The following NCAM2 variants were observed in gnomAD, a reference collection of about 807,000 sequenced individuals.
NCAM2 encodes the protein N-CAM-2.
A neutral mutation model predicts 98.1 loss-of-function variants in NCAM2; 30 were observed. That is an observed-to-expected ratio of 0.31 (90% CI 0.23 to 0.41). The LOEUF is 0.41. NCAM2 is among the 10% of genes least tolerant of loss of function. NCAM2 has a pLI of 1.00. For missense variants in NCAM2, 867 were observed against 1,005.8 expected (o/e 0.86, Z 1.87); for synonymous variants, 368 against 342.4 (o/e 1.07, Z -0.83).
intron 5 of NCAM2, among the ~76,000 whole-genome samples, chr21:21,309,191 T>C (rs1371776227): frequency 2.0e-5 from 3 of 152,232 alleles, no homozygotes; most frequent in Non-Finnish European, 4.4e-5. Flanking sequence ...ATCCTCATTA[T>C]ATCTTATATT....
chr21:21,414,120 GA>G (rs2076939644), intron 10 of NCAM2, among the ~76,000 whole-genome samples: 1 of 152,150 alleles, frequency 6.6e-6, no homozygotes, highest in Admixed American at 6.6e-5. Context: ...CCTCCATGAA[GA>G]GCAATTTTCC....
intron 5 of NCAM2, among the ~76,000 whole-genome samples, chr21:21,302,214 A>C (rs1052236724): frequency 3.3e-5 from 5 of 151,888 alleles, no homozygotes; most frequent in Non-Finnish European, 7.4e-5. Context: ...AACCAACCCA[A>C]ATGTCCAACA....
chr21:21,137,276 C>T (rs937862998), intron 1 of NCAM2, among the ~76,000 whole-genome samples: 13 of 152,182 alleles, frequency 8.5e-5, no homozygotes, highest in Non-Finnish European at 1.9e-4. Flanking sequence ...GTCAGAATAT[C>T]ATACAAAGTT....
At chr21:21,070,401 A>G (rs2065537428) in intron 1 of NCAM2, among the ~76,000 whole-genome samples, 1 of 152,046 alleles carries the variant, frequency 6.6e-6, no homozygotes, top group Non-Finnish European at 1.5e-5. Context: ...AAAATGCCAT[A>G]TAATTAGATG....
At chr21:21,411,058 A>ATATATACATATATGTGTG (rs1569033114) in intron 10 of NCAM2, among the ~76,000 whole-genome samples, 4 of 84,684 alleles carry the variant, frequency 4.7e-5, no homozygotes, top group Non-Finnish European at 9.2e-5. Context: ...GTGTGTGTAT[A>ATATATACATATATGTGTG]TATATATATA....
At chr21:21,176,649 T>G (rs1196323062) in intron 1 of NCAM2, among the ~76,000 whole-genome samples, 2 of 152,048 alleles carry the variant, frequency 1.3e-5, no homozygotes, top group Non-Finnish European at 2.9e-5. Flanking sequence ...TTAAGACAGT[T>G]TTTAAGTCAG....
chr21:21,534,261 A>G (rs1429914039), intron 16 of NCAM2, among the ~76,000 whole-genome samples: 1 of 152,092 alleles, frequency 6.6e-6, no homozygotes, highest in Non-Finnish European at 1.5e-5. Flanking sequence ...TATATACAGT[A>G]GGATTTTAAA....
At chr21:21,157,386 A>G (rs969463457) in intron 1 of NCAM2, among the ~76,000 whole-genome samples, 1 of 152,150 alleles carries the variant, frequency 6.6e-6, no homozygotes, top group Admixed American at 6.6e-5. Context: ...ATGATATTAT[A>G]GATTACAGTC....
chr21:21,331,545 C>CTCT (rs1568942424), intron 6 of NCAM2, among the ~76,000 whole-genome samples: 1 of 342 alleles, frequency 2.9e-3, no homozygotes, highest in African/African-American at 6.0e-3. Flanking sequence ...ACTCTATATA[C>CTCT]ATATATATAT....
intron 9 of NCAM2, among the ~76,000 whole-genome samples, chr21:21,388,376 C>T (rs898547485): frequency 2.6e-5 from 4 of 152,038 alleles, no homozygotes; most frequent in African/African-American, 9.7e-5. Context: ...GGACCTGCTG[C>T]AAATGTAGGA....
chr21:21,336,323 A>G (rs1239871974), intron 7 of NCAM2, among the ~76,000 whole-genome samples: 1 of 151,988 alleles, frequency 6.6e-6, no homozygotes, highest in Non-Finnish European at 1.5e-5. Flanking sequence ...CTCCAACTTT[A>G]AAAACACTGT....
At chr21:21,190,228 G>A (rs2068775726) in intron 1 of NCAM2, among the ~76,000 whole-genome samples, 1 of 152,190 alleles carries the variant, frequency 6.6e-6, no homozygotes, top group African/African-American at 2.4e-5. Context: ...AGCAATATCT[G>A]TAAGTGTTAG....
At chr21:21,418,847 T>C (rs1042686719) in intron 11 of NCAM2, among the ~76,000 whole-genome samples, 2 of 152,122 alleles carry the variant, frequency 1.3e-5, no homozygotes, top group African/African-American at 2.4e-5. Flanking sequence ...AATAAGTTAT[T>C]GCATATTTCA....
chr21:21,433,780 TAAAATAAAATAAAATA>T (rs1171674766), intron 12 of NCAM2, among the ~76,000 whole-genome samples: 12 of 146,238 alleles, frequency 8.2e-5, no homozygotes, highest in Admixed American at 5.4e-4. Flanking sequence ...TAAAATAAAA[TAAAATAAAATAAAATA>T]AAAATAAAAG....
chr21:21,200,268 C>G (rs1315453934), intron 1 of NCAM2, among the ~76,000 whole-genome samples: 1 of 152,008 alleles, frequency 6.6e-6, no homozygotes, highest in Non-Finnish European at 1.5e-5. Context: ...AGAACATAAT[C>G]AAATGGACTT....
intron 1 of NCAM2, among the ~76,000 whole-genome samples, chr21:21,043,864 A>AG (rs1267120222): frequency 6.6e-6 from 1 of 151,300 alleles, no homozygotes; most frequent in Non-Finnish European, 1.5e-5. Context: ...AAAAAAAAAA[A>AG]AAAGAAAAAA....
chr21:21,454,143 C>G (rs1981766477), intron 12 of NCAM2, among the ~76,000 whole-genome samples: 1 of 151,988 alleles, frequency 6.6e-6, no homozygotes, highest in Non-Finnish European at 1.5e-5. Context: ...TTTTCCTGTA[C>G]TAATTACAAA....
At chr21:21,019,163 G>A (rs2064377963) in intron 1 of NCAM2, among the ~76,000 whole-genome samples, 1 of 152,212 alleles carries the variant, frequency 6.6e-6, no homozygotes, top group African/African-American at 2.4e-5. Flanking sequence ...AATTTCTTCA[G>A]CAGATAATTC....
intron 1 of NCAM2, among the ~76,000 whole-genome samples, chr21:21,135,608 CGGTTGCAT>C (rs2067032061): frequency 6.6e-6 from 1 of 152,122 alleles, no homozygotes; most frequent in Non-Finnish European, 1.5e-5. Flanking sequence ...CCTTGATTAG[CGGTTGCAT>C]CTTCTAACCA....
Sources: allele counts gnomAD v4.1 joint callset (sites outside exome capture counted in the v4.1 genomes callset), GRCh38; gene constraint gnomAD v4.1.1; transcripts MANE v1.5; gene names NCBI Gene and HGNC (gene_info 2026-07-23, HGNC 2026-07-21).